Variants in TNRC18 observed in about 807,000 individuals in gnomAD.
The protein encoded by TNRC18 is trinucleotide repeat containing 18.
In TNRC18, 69 loss-of-function variants were observed where a neutral mutation model predicts 226.7. The ratio of observed to expected loss-of-function variants is 0.30; its 90% CI spans 0.25 to 0.37. The LOEUF is 0.37. Among genes scored for constraint, TNRC18 ranks in the 10% least tolerant of loss-of-function variants. TNRC18 has a pLI of 1.00. For synonymous variants in TNRC18, 2,449 were observed against 1,927.6 expected (o/e 1.27, Z -7.09); for missense variants, 4,754 against 4,256.6 (o/e 1.12, Z -3.25).
At chr7:5,310,561 G>T (rs552068158) in intron 27 of TNRC18, among the ~76,000 whole-genome samples, 61 of 151,908 alleles carry the variant, frequency 4.0e-4, no homozygotes, top group Non-Finnish European at 7.4e-4. Context: ...TCAAGACAAG[G>T]TCTCACACTA....
intron 2 of TNRC18, among the ~76,000 whole-genome samples, chr7:5,405,865 A>G (rs1781431454): frequency 6.6e-6 from 1 of 152,218 alleles, no homozygotes; most frequent in African/African-American, 2.4e-5. Flanking sequence ...GGAGTTTGAG[A>G]CCAGTCTCGG....
At chr7:5,411,540 C>T (rs1781846119) in intron 2 of TNRC18, among the ~76,000 whole-genome samples, 1 of 146,028 alleles carries the variant, frequency 6.8e-6, no homozygotes, top group Admixed American at 6.9e-5. Context: ...AAAAAAAATT[C>T]CTAGAGGGAA....
intron 21 of TNRC18, among the ~76,000 whole-genome samples, chr7:5,323,013 G>GA (rs1416010350): frequency 2.0e-5 from 3 of 152,206 alleles, no homozygotes; most frequent in Non-Finnish European, 4.4e-5. Context: ...AACACACGCA[G>GA]AGAGGACCAC....
At position 5,361,881 on chromosome 7, in the gene TNRC18, C is replaced by CGG. The variant is rs779623816; in HGVS notation, c.4532+14_4532+15dup. 1 of 1,538,716 alleles carries CGG rather than the reference C, an allele frequency of 6.5e-7. No homozygotes were observed. Among genetic ancestry groups the CGG allele is most frequent in the Admixed American group, 2.0e-5 (1 of 50,160 alleles). On this transcript the variant is annotated intron_variant, in intron 13 of 29. Transcript: ENST00000430969. ...CGGGGCAGGGGCCCCACGGGGCGGG[C>CGG]GGGGGACACACTCACTCGGAGTCCC...
chr7:5,391,818 GT>G (rs150099505), intron 3 of TNRC18, among the ~76,000 whole-genome samples: 4,920 of 140,790 alleles, frequency 0.035, 330 homozygotes, highest in African/African-American at 0.12. Flanking sequence ...GAAACATAGT[GT>G]GACCCCATCT....
chr7:5,388,586 G>T lies in TNRC18; in HGVS notation c.1238C>A (p.Pro413His). The T allele has an allele frequency of 7.7e-7, 1 of 1,300,016 alleles. No individual in the cohort carries two copies. The highest frequency in any genetic ancestry group is 9.8e-7 in the Non-Finnish European group (1 of 1,025,278). 80.5% of individuals were successfully genotyped at this position (1,300,016 alleles called of 1,614,324 possible). ...GTCCAGAGGCCGCGGGGAGCCGGGG[G>T]GCGCCTGCAGGACCCCTGGCCTGCC... ...EAGRPGVLQA[P>H]PGSPRPLDRP... is the part of the protein sequence containing the mutation. Residue 413 changes from proline to histidine, a missense_variant, in exon 5 of 30, where the codon CCC (proline) becomes CAC (histidine). Pro to His is a moderately conservative substitution (Grantham distance 77). Coordinates refer to ENST00000430969, the MANE Select transcript of TNRC18 (RefSeq NM_001080495.3).
At chr7:5,391,715 G>T (rs948891886) in intron 3 of TNRC18, among the ~76,000 whole-genome samples, 3 of 151,456 alleles carry the variant, frequency 2.0e-5, no homozygotes, top group Non-Finnish European at 4.4e-5. Flanking sequence ...AGCACACAGA[G>T]GCCAGGCATG....
intron 11 of TNRC18, among the ~76,000 whole-genome samples, chr7:5,368,093 C>T (rs1207810011): frequency 1.3e-5 from 2 of 151,940 alleles, no homozygotes; most frequent in African/African-American, 4.8e-5. Context: ...ACGAAAATGC[C>T]TGACCATCTA....
intron 2 of TNRC18, among the ~76,000 whole-genome samples, chr7:5,408,231 G>A (rs1209409935): frequency 5.9e-5 from 9 of 151,536 alleles, no homozygotes; most frequent in Admixed American, 2.0e-4. Context: ...CCCGGGAAGC[G>A]GAGGTTGCAG....
chr7:5,386,148 C>G (rs556397103), intron 5 of TNRC18, among the ~76,000 whole-genome samples: 4 of 151,070 alleles, frequency 2.6e-5, no homozygotes, highest in Non-Finnish European at 5.9e-5. Context: ...GTTAGCCAGG[C>G]GTGATGGCAC....
rs1269562001 is a variant in TNRC18 at position 5,309,075 on chromosome 7, C to A, written c.8625+57G>T. On this transcript the variant is annotated intron_variant, in intron 28 of 29. Transcript: ENST00000430969. The surrounding 1 kb of genome is among the most constrained non-coding windows in gnomAD (Gnocchi z 5.7). ...GCTCCAGCACCCAGAACGCCTCGCC[C>A]TCAGGTCTGCCCTACACCGCCTAGG... 1.3e-6 allele frequency: 2 copies of A among 1,527,464 alleles called. No homozygotes were observed. Among genetic ancestry groups the A allele is most frequent in the East Asian group, 4.8e-5 (2 of 41,248 alleles). 94.6% of individuals were successfully genotyped at this position (1,527,464 alleles called of 1,614,324 possible). A position where few individuals can be genotyped will look rare whatever the true frequency, so the allele number is the denominator to read the frequency against.
In TNRC18 at chr7:5,376,869, G is replaced by A; in HGVS notation, c.2586C>T (p.Pro862=). ...DPQSGQLVVI[P]SDHLPHFAEL... The stretch of plus-strand genomic sequence containing the variant: ...TACCAAAGTGAGGAAGGTGATCACT[G>A]GGAATGACCACCAGCTGGCCCGATT... The change falls in exon 8 of 30, where the codon CCC becomes CCT. Residue 862 remains proline, a synonymous_variant. Transcript: ENST00000430969. The A allele has an allele frequency of 6.2e-7, 1 of 1,611,806 alleles. No individual in the cohort carries two copies. Among genetic ancestry groups the A allele is most frequent in the Non-Finnish European group, 8.5e-7 (1 of 1,178,980 alleles).
chr7:5,374,382 G>A lies in TNRC18; in HGVS notation c.2902C>T (p.Pro968Ser). Residue 968 changes from proline to serine, a missense_variant, in exon 10 of 30, where the codon CCC becomes TCC. Coordinates refer to ENST00000430969, the MANE Select transcript of TNRC18 (RefSeq NM_001080495.3). Reference protein sequence around the residue: ...AGKAGLATAGPGLLPRKPPGL... With the variant: ...AGKAGLATAGSGLLPRKPPGL... ...GGGGGCTTCCGCGGCAGCAGCCCGG[G>A]GCCGGCGGTGGCCAGGCCAGCCTTG... is the stretch of plus-strand genomic sequence containing the variant. The A allele has an allele frequency of 1.3e-6, 2 of 1,510,842 alleles. No individual in the cohort carries two copies. The highest frequency in any genetic ancestry group is 1.4e-5 in the African/African-American group (1 of 69,272). The allele number at this position is 1,510,842 out of a possible 1,614,324, so 93.6% of individuals were successfully genotyped here.
chr7:5,356,197 T>C (rs976525633), intron 16 of TNRC18, among the ~76,000 whole-genome samples: 2 of 144,884 alleles, frequency 1.4e-5, no homozygotes, highest in Admixed American at 1.4e-4. Context: ...AAGAAAATAG[T>C]GGGACACAGC....
At position 5,388,966 on chromosome 7, in the gene TNRC18, G is replaced by A. The variant is rs1035667225; in HGVS notation, c.858C>T (p.Gly286=). Residue 286 remains glycine (G), a synonymous_variant, in exon 5 of 30, where the codon GGC becomes GGT. Coordinates refer to ENST00000430969, the MANE Select transcript of TNRC18 (RefSeq NM_001080495.3). Reference sequence around the variant, plus strand: ...CGGGCAGCCCCACGTCCCCGGCGCCGCCGTTGCACATGGTCAGTACCGACG... The same window carrying A: ...CGGGCAGCCCCACGTCCCCGGCGCCACCGTTGCACATGGTCAGTACCGACG... ...LQPSVLTMCN[G]GAGDVGLPAL... The A allele has an allele frequency of 7.9e-6, 11 of 1,388,774 alleles. No individual in the cohort carries two copies. Among genetic ancestry groups the A allele is most frequent in the African/African-American group, 1.6e-5 (1 of 63,706 alleles). 86.0% of individuals were successfully genotyped at this position (1,388,774 alleles called of 1,614,324 possible).
intron 2 of TNRC18, among the ~76,000 whole-genome samples, chr7:5,402,540 CAAAA>C (rs565671183): frequency 7.5e-6 from 1 of 134,220 alleles, no homozygotes; most frequent in Non-Finnish European, 1.6e-5. Flanking sequence ...CTCAAAAAGA[CAAAA>C]AAAAAAATTA....
intron 2 of TNRC18, chr7:5,420,333 T>C (rs1051030729): frequency 1.5e-5 from 7 of 454,874 alleles, no homozygotes; most frequent in Non-Finnish European, 2.6e-5. Context: ...TCTTTCCCCC[T>C]AGGTTCGGGA....
At chr7:5,378,059 A>G in intron 5 of TNRC18, 35 bp from the exon 6 acceptor site, 1 of 1,576,198 alleles carries the variant, frequency 6.3e-7, no homozygotes, top group Non-Finnish European at 8.6e-7. Context: ...GCCCCCAGCC[A>G]GCACCGAGCC....
intron 5 of TNRC18, among the ~76,000 whole-genome samples, chr7:5,382,008 A>C (rs1039056540): frequency 3.3e-5 from 5 of 152,124 alleles, no homozygotes; most frequent in African/African-American, 1.2e-4. Flanking sequence ...AAAAAATAAA[A>C]TAAAGTGGAT....
Sources: allele counts gnomAD v4.1 joint callset (sites outside exome capture counted in the v4.1 genomes callset), GRCh38; gene constraint gnomAD v4.1.1; non-coding constraint Gnocchi (gnomAD v3.1); transcripts MANE v1.5; gene names NCBI Gene and HGNC (gene_info 2026-07-23, HGNC 2026-07-21).